Variants in IL7 observed in about 807,000 individuals in gnomAD.
The protein encoded by IL7 is interleukin 7.
Under a neutral mutation model 21.6 loss-of-function variants are expected in IL7, and 3 were observed. That is an observed-to-expected ratio of 0.14 (90% CI 0.06 to 0.36). The LOEUF is 0.36. Among genes scored for constraint, IL7 ranks in the 10% least tolerant of loss-of-function variants. The pLI is 1.00. For missense variants in IL7, 175 were observed against 200.2 expected (o/e 0.87, Z 0.76); for synonymous variants, 62 against 68.1 (o/e 0.91, Z 0.44).
chr8:78,699,478 CTT>C (rs1012477959), intron 3 of IL7, among the ~76,000 whole-genome samples: 5 of 151,804 alleles, frequency 3.3e-5, no homozygotes, highest in African/African-American at 9.7e-5. Context: ...TTAATTTTAA[CTT>C]TTAAGTTCAG....
chr8:78,796,549 T>C (rs539407931), intron 2 of IL7, among the ~76,000 whole-genome samples: 19 of 152,096 alleles, frequency 1.2e-4, no homozygotes, highest in African/African-American at 4.6e-4. Context: ...AGATAGTGCA[T>C]GATAATGGCT....
intron 2 of IL7, among the ~76,000 whole-genome samples, chr8:78,752,740 C>T (rs1358590828): frequency 6.6e-6 from 1 of 152,086 alleles, no homozygotes; most frequent in African/African-American, 2.4e-5. Context: ...GCTATCTCTC[C>T]CCTTGTCCCC....
chr8:78,778,281 A>G (rs890405488), intron 2 of IL7, among the ~76,000 whole-genome samples: 1 of 152,088 alleles, frequency 6.6e-6, no homozygotes, highest in African/African-American at 2.4e-5. Context: ...TGACTCAAAT[A>G]GTCCTCTCTG....
chr8:78,783,947 C>G lies in IL7; in HGVS notation c.147+14125G>C, dbSNP rs927772919. 6.6e-5 allele frequency among the ~76,000 whole-genome samples: 10 copies of G among 152,192 alleles called. 1 individual carries two copies. The East Asian group carries it at 1.9e-3, about 29-fold the overall frequency. On this transcript the variant is annotated intron_variant, in intron 2 of 5. Transcript: ENST00000263851. ...ACCTGGTTAAGCAAAAATAAGCGAG[C>G]CATTAGGTAAACTGCAAGTAAATAT...
intron 2 of IL7, among the ~76,000 whole-genome samples, chr8:78,749,504 CAGAT>C (rs917400769): frequency 3.3e-5 from 5 of 152,230 alleles, no homozygotes; most frequent in African/African-American, 9.6e-5. Flanking sequence ...ATTAGAGAAA[CAGAT>C]AGAACCACAA....
intron 2 of IL7, among the ~76,000 whole-genome samples, chr8:78,791,940 A>T (rs1813711103): frequency 6.6e-6 from 1 of 152,150 alleles, no homozygotes; most frequent in Admixed American, 6.5e-5. Flanking sequence ...TAATCCCTAA[A>T]AAAAGGTAGT....
rs377015012 is a variant in IL7, at chr8:78,782,471, A to G, written c.147+15601T>C. On this transcript the variant is annotated intron_variant, in intron 2 of 5. Transcript: ENST00000263851. ...CTTTTAACAGTCAGGCCCCTCTTCC[A>G]TAAGGCTCCTGTCAGTTGCTGGGGG... Among the ~76,000 whole-genome samples the G allele has an allele frequency of 4.6e-5, 7 of 152,186 alleles. No individual in the cohort carries two copies. The East Asian group carries it at 9.7e-4, about 21-fold the overall frequency.
chr8:78,805,053 T>C lies in IL7; in HGVS notation c.-131A>G, dbSNP rs937240846. The stretch of plus-strand genomic sequence containing the variant: ...AGTCTGTGTTGGGCAGGGTGATCTC[T>C]GCAGCTGGTTCCTCTTACCCACGCC... On this transcript the variant is annotated 5_prime_UTR_variant, in exon 1 of 6. Transcript: ENST00000263851. 4.5e-5 allele frequency: 43 copies of C among 947,356 alleles called. 1 individual carries two copies. In the South Asian group the frequency reaches 4.6e-4, roughly 10 times the overall value. The allele number at this position is 947,356 out of a possible 1,614,324, so 58.7% of individuals were successfully genotyped here. A position where few individuals can be genotyped will look rare whatever the true frequency, so the allele number is the denominator to read the frequency against.
At chr8:78,684,128 A>C (rs1809876858) in intron 4 of IL7, among the ~76,000 whole-genome samples, 2 of 152,284 alleles carry the variant, frequency 1.3e-5, no homozygotes, top group Admixed American at 1.3e-4. Flanking sequence ...CCCAGTTCCA[A>C]AGTTGCTTAC....
chr8:78,694,747 A>G (rs1172710874), intron 3 of IL7, among the ~76,000 whole-genome samples: 2 of 152,180 alleles, frequency 1.3e-5, no homozygotes, highest in Non-Finnish European at 2.9e-5. Flanking sequence ...TTCATTAGTC[A>G]TTAGTCTTTG....
chr8:78,715,426 GA>G, downstream of IL7: 1 of 1,139,392 alleles, frequency 8.8e-7, no homozygotes, highest in Non-Finnish European at 1.2e-6. Context: ...GCTATTTATA[GA>G]AAACCTGATT....
chr8:78,697,390 T>C (rs1442504111), intron 3 of IL7: 1 of 1,559,346 alleles, frequency 6.4e-7, no homozygotes, highest in Non-Finnish European at 8.7e-7. Context: ...ATTAATATTT[T>C]TTTTCCATTA....
At chr8:78,778,945 G>A (rs1001104329) in intron 2 of IL7, among the ~76,000 whole-genome samples, 1 of 151,922 alleles carries the variant, frequency 6.6e-6, no homozygotes, top group Non-Finnish European at 1.5e-5. Context: ...ATTTCTCCCT[G>A]AGAGGTCTTC....
chr8:78,690,992 C>T (rs1007983595), intron 3 of IL7, among the ~76,000 whole-genome samples: 5 of 152,142 alleles, frequency 3.3e-5, no homozygotes, highest in Middle Eastern at 3.4e-3. Context: ...TTTCTTAGGA[C>T]TTTTCTATGT....
intron 3 of IL7, among the ~76,000 whole-genome samples, chr8:78,701,806 T>C (rs11988923): frequency 0.16 from 23,964 of 152,224 alleles, 2,054 homozygotes; most frequent in Middle Eastern, 0.3. Context: ...GATTTGCATA[T>C]GCGGAGTCAA....
intron 4 of IL7, among the ~76,000 whole-genome samples, chr8:78,681,038 T>C (rs965896833): frequency 2.0e-5 from 3 of 151,184 alleles, no homozygotes; most frequent in African/African-American, 7.3e-5. Flanking sequence ...AAAATCCCTT[T>C]CCTGAAGATG....
At chr8:78,773,441 A>G (rs994894199) in intron 2 of IL7, among the ~76,000 whole-genome samples, 1 of 152,132 alleles carries the variant, frequency 6.6e-6, no homozygotes, top group Non-Finnish European at 1.5e-5. Flanking sequence ...GGGTGCGGGA[A>G]GATTTGTGGA....
chr8:78,675,666 CAGT>C, downstream of IL7: 1 of 867,250 alleles, frequency 1.2e-6, no homozygotes. Flanking sequence ...TTTCAAAATG[CAGT>C]AAAACATTTT....
At chr8:78,683,956 G>A (rs1439910516) in intron 4 of IL7, among the ~76,000 whole-genome samples, 1 of 152,150 alleles carries the variant, frequency 6.6e-6, no homozygotes, top group Non-Finnish European at 1.5e-5. Context: ...TTCCCAGCAA[G>A]TTCTTCATCT....
Sources: gnomAD v4.1 joint callset for allele counts (sites outside exome capture counted in the v4.1 genomes callset) on GRCh38, gnomAD v4.1.1 for gene constraint, MANE v1.5 for transcripts, NCBI Gene and HGNC (gene_info 2026-07-23, HGNC 2026-07-21) for gene names.